PARK7: variants seen among roughly 807,000 people sequenced by gnomAD.
PARK7 encodes the protein Parkinson disease protein 7.
Under a neutral mutation model 20.5 loss-of-function variants are expected in PARK7, and 14 were observed. That is an observed-to-expected ratio of 0.68 (90% CI 0.45 to 1.07). The LOEUF (loss-of-function observed/expected upper bound fraction) is 1.07. Ranked by LOEUF, PARK7 falls within the 50% of genes least tolerant of loss-of-function variation. The probability of loss-of-function intolerance (pLI) is 0.00; values close to 1 mark genes in which losing one functional copy is unlikely to be tolerated. For synonymous variants in PARK7, 98 were observed against 84.3 expected, an observed-to-expected ratio of 1.16 and a Z score of -0.89; for missense variants, 234 against 238.1, an observed-to-expected ratio of 0.98 and a Z score of 0.11.
At position 7,977,776 on chromosome 1, in the gene PARK7, T is replaced by C. The variant is rs370674451; in HGVS notation, c.409+38T>C. ...TTGTTTTTGTTTGTTTGTTTGTTTT[T>C]TGAGATGGAGTCTCGCTCCATCGCC... is the stretch of plus-strand genomic sequence containing the variant. On this transcript the variant is annotated intron_variant, in intron 6 of 6. Coordinates refer to ENST00000338639, the MANE Select transcript of PARK7 (RefSeq NM_007262.5). 1,386 of 1,577,366 alleles carry C rather than the reference T, an allele frequency of 8.8e-4. 1 individual carries two copies. The highest frequency in any genetic ancestry group is 1.2e-3 in the Non-Finnish European group (1,322 of 1,147,504).
At chr1:7,979,316 C>T (rs986851839) in intron 6 of PARK7, among the ~76,000 whole-genome samples, 35 of 152,154 alleles carry the variant, frequency 2.3e-4, no homozygotes, top group African/African-American at 8.0e-4. Flanking sequence ...ACTCCCCAGG[C>T]CCCCGCCCCT....
In PARK7 at chr1:7,974,395, C is replaced by T. The variant is rs566248670; in HGVS notation, c.323-3257C>T. ...CTGTAATCCCAGCACTTTGGGAGGC[C>T]GAGGCGTGCGGATCACAAGGTCAGG... On this transcript the variant is annotated intron_variant, in intron 5 of 6. Coordinates refer to ENST00000338639, the MANE Select transcript of PARK7 (RefSeq NM_007262.5). Among the ~76,000 whole-genome samples the T allele has an allele frequency of 9.7e-4, 148 of 151,972 alleles. 3 individuals are homozygous for T. The South Asian group carries it at 0.028, about 29-fold the overall frequency.
chr1:7,973,459 G>T (rs143309807), intron 5 of PARK7, among the ~76,000 whole-genome samples: 1 of 152,208 alleles, frequency 6.6e-6, no homozygotes, highest in Admixed American at 6.5e-5. Flanking sequence ...AAAACCACAT[G>T]TCAGTTTGTC....
intron 5 of PARK7, among the ~76,000 whole-genome samples, chr1:7,976,072 T>G (rs552611935): frequency 5.7e-4 from 87 of 152,346 alleles, no homozygotes; most frequent in Middle Eastern, 3.4e-3. Context: ...TCTTCCTGTT[T>G]GTAACAGCTA....
At chr1:7,978,542 GCCA>G (rs1640636334) in intron 6 of PARK7, among the ~76,000 whole-genome samples, 1 of 152,076 alleles carries the variant, frequency 6.6e-6, no homozygotes, top group South Asian at 2.1e-4. Context: ...ACAGGCATGT[GCCA>G]CCACAAGTTT....
chr1:7,965,504 A>G (rs1640306475), intron 3 of PARK7, 79 bp downstream of exon 3: 2 of 1,308,348 alleles, frequency 1.5e-6, no homozygotes, highest in Non-Finnish European at 2.2e-6. Flanking sequence ...TTGTTAGCAC[A>G]GACTCATTTT....
intron 5 of PARK7, 23 bp from the exon 6 acceptor site, chr1:7,977,629 G>T: frequency 6.2e-7 from 1 of 1,602,314 alleles, no homozygotes; most frequent in Non-Finnish European, 8.5e-7. Flanking sequence ...TCTGCACTTA[G>T]ATCTTTTTAT....
rs141327434 is a variant in PARK7 at position 7,983,563 on chromosome 1, T to C, written c.410-1331T>C. The stretch of plus-strand genomic sequence containing the variant: ...CCTTCTGGTCCCAGCCCAGTCTCTG[T>C]GCGAAGGCCAGACCGCAGAGGGCTC... On this transcript the variant is annotated intron_variant, in intron 6 of 6. Coordinates refer to ENST00000338639, the MANE Select transcript of PARK7 (RefSeq NM_007262.5). Among the ~76,000 whole-genome samples, 674 of 152,346 alleles carry C rather than the reference T, an allele frequency of 4.4e-3. 4 individuals are homozygous for C. Among genetic ancestry groups the C allele is most frequent in the African/African-American group, 0.015 (642 of 41,578 alleles).
At chr1:7,969,904 A>G (rs1465537800) in intron 4 of PARK7, among the ~76,000 whole-genome samples, 4 of 152,092 alleles carry the variant, frequency 2.6e-5, no homozygotes, top group Admixed American at 1.3e-4. Context: ...AATATTTTCT[A>G]TGGAGGTCAG....
chr1:7,971,078 G>A (rs780639093), intron 5 of PARK7, 115 bp downstream of exon 5: 1 of 1,148,392 alleles, frequency 8.7e-7, no homozygotes, highest in Non-Finnish European at 1.3e-6. Context: ...GGGCATCTGT[G>A]TTGGTGTATT....
chr1:7,973,575 G>C (rs766906342), intron 5 of PARK7, among the ~76,000 whole-genome samples: 12 of 152,066 alleles, frequency 7.9e-5, no homozygotes, highest in Non-Finnish European at 1.6e-4. Flanking sequence ...TTAGCCAGGC[G>C]TGGTGGCGCG....
In PARK7 at chr1:7,969,362, G is replaced by T. The variant is rs1640402715; in HGVS notation, c.210G>T (p.Val70=). 1.2e-6 allele frequency: 2 copies of T among 1,610,684 alleles called. No homozygotes were observed. The highest frequency in any genetic ancestry group is 1.7e-6 in the Non-Finnish European group (2 of 1,177,688). The change falls in exon 4 of 7, where the codon GTG becomes GTT. Residue 70 remains valine, a synonymous_variant. Coordinates refer to ENST00000338639, the MANE Select transcript of PARK7 (RefSeq NM_007262.5). The part of the protein sequence containing the change: ...DAKKEGPYDV[V]VLPGGNLGAQ... ...TGTTACAGGGACCATATGATGTGGT[G>T]GTTCTACCAGGAGGTAATCTGGGCG...
intron 5 of PARK7, among the ~76,000 whole-genome samples, chr1:7,973,228 T>C (rs1486517949): frequency 2.6e-5 from 4 of 152,142 alleles, no homozygotes; most frequent in African/African-American, 9.7e-5. Flanking sequence ...ACCACTAGCC[T>C]TTTGACCTGC....
At chr1:7,965,112 C>T (rs927863428) in intron 2 of PARK7, among the ~76,000 whole-genome samples, 4 of 152,124 alleles carry the variant, frequency 2.6e-5, no homozygotes, top group African/African-American at 9.7e-5. Flanking sequence ...TGTGGTGGCT[C>T]ATGTCTGTAA....
intron 5 of PARK7, among the ~76,000 whole-genome samples, chr1:7,974,555 G>T (rs1394451022): frequency 6.6e-6 from 1 of 151,880 alleles, no homozygotes; most frequent in Non-Finnish European, 1.5e-5. Context: ...TGTGAACCTG[G>T]GGGGCAGAGC....
chr1:7,974,400 C>T (rs765209038), intron 5 of PARK7, among the ~76,000 whole-genome samples: 11 of 152,040 alleles, frequency 7.2e-5, no homozygotes, highest in Admixed American at 2.6e-4. Context: ...GAGGCCGAGG[C>T]GTGCGGATCA....
chr1:7,971,015 C>CT, intron 5 of PARK7, 52 bp downstream of exon 5: 2 of 1,579,244 alleles, frequency 1.3e-6, no homozygotes. Context: ...GTGGGGTAGC[C>CT]TTTCATTCGA....
intron 6 of PARK7, among the ~76,000 whole-genome samples, chr1:7,983,376 G>A (rs1640752052): frequency 6.6e-6 from 1 of 152,236 alleles, no homozygotes; most frequent in Non-Finnish European, 1.5e-5. Context: ...TCACTGAGTG[G>A]TGTCACCATC....
intron 4 of PARK7, 83 bp downstream of exon 4, chr1:7,969,487 T>G (rs1640408987): frequency 1.0e-6 from 1 of 960,678 alleles, no homozygotes; most frequent in African/African-American, 1.6e-5. Context: ...TTATGTTCTG[T>G]TAATTTTGTT....
Sources: allele counts gnomAD v4.1 joint callset (sites outside exome capture counted in the v4.1 genomes callset), GRCh38; gene constraint gnomAD v4.1.1; transcripts MANE v1.5; gene names NCBI Gene and HGNC (gene_info 2026-07-23, HGNC 2026-07-21).